CFDP1: variants seen among roughly 807,000 people sequenced by gnomAD.
CFDP1 encodes heterochromatin-stabilizing protein CFDP1.
In CFDP1, 31 loss-of-function variants were observed where a neutral mutation model predicts 40.1. The ratio of observed to expected loss-of-function variants is 0.77; its 90% confidence interval spans 0.58 to 1.04. The LOEUF is 1.04. Ranked by LOEUF, CFDP1 falls within the 50% of genes least tolerant of loss-of-function variation. The pLI is 0.00. For missense variants in CFDP1, 423 were observed against 343.4 expected (o/e 1.23, Z -1.83); for synonymous variants, 167 against 120.0 (o/e 1.39, Z -2.56).
intron 5 of CFDP1, among the ~76,000 whole-genome samples, chr16:75,315,510 A>G (rs1261221437): frequency 6.6e-6 from 1 of 152,046 alleles, no homozygotes; most frequent in Admixed American, 6.6e-5. Context: ...GTTATGTACA[A>G]GAATTCCAGT....
At chr16:75,383,695 T>C (rs970618273) in intron 5 of CFDP1, among the ~76,000 whole-genome samples, 23 of 151,918 alleles carry the variant, frequency 1.5e-4, no homozygotes, top group African/African-American at 5.6e-4. Context: ...GGTGGGCGCC[T>C]TTAGTCCCAG....
rs979019599 is a variant in CFDP1, at chr16:75,412,542, T to G, written c.395A>C (p.Gln132Pro). 8.1e-6 allele frequency: 13 copies of G among 1,613,262 alleles called. No homozygotes were observed. The highest frequency in any genetic ancestry group is 1.1e-5 in the Non-Finnish European group (13 of 1,179,296). Residue 132 changes from glutamine to proline, a missense_variant, in exon 3 of 7, where the codon CAA becomes CCA. Transcript: ENST00000283882. The part of the protein sequence containing the change: ...GPKSKVPPST[Q>P]VKKGEETEET... ...ACTAATGTCTCAACTTACCTTAACTTGTGTACTTGGGGGCACTTTTGATTT... is the reference window on the plus strand; with the variant it reads ...ACTAATGTCTCAACTTACCTTAACTGGTGTACTTGGGGGCACTTTTGATTT...
chr16:75,350,239 T>A (rs1460414694), intron 5 of CFDP1, among the ~76,000 whole-genome samples: 3 of 152,214 alleles, frequency 2.0e-5, no homozygotes, highest in Non-Finnish European at 4.4e-5. Context: ...TATGTTTTCA[T>A]TTTTTGTGGG....
chr16:75,328,023 C>A (rs1463070248), intron 5 of CFDP1, among the ~76,000 whole-genome samples: 3 of 151,546 alleles, frequency 2.0e-5, no homozygotes, highest in African/African-American at 4.9e-5. Flanking sequence ...TGCCACAGCA[C>A]CCGGCAACAC....
intron 5 of CFDP1, among the ~76,000 whole-genome samples, chr16:75,354,281 C>G (rs2078632061): frequency 6.6e-6 from 1 of 152,106 alleles, no homozygotes; most frequent in South Asian, 2.1e-4. Flanking sequence ...GGACATAACC[C>G]CATCATATGT....
chr16:75,394,145 G>A (rs981173212), intron 5 of CFDP1, among the ~76,000 whole-genome samples: 1 of 152,174 alleles, frequency 6.6e-6, no homozygotes, highest in Non-Finnish European at 1.5e-5. Context: ...TCTGACTGAA[G>A]GGCCACAGAA....
At chr16:75,336,942 G>A (rs1026324064) in intron 5 of CFDP1, among the ~76,000 whole-genome samples, 5 of 152,130 alleles carry the variant, frequency 3.3e-5, no homozygotes, top group African/African-American at 7.2e-5. Context: ...TTTAAAAACT[G>A]GACAGTTGCT....
At chr16:75,390,249 G>C (rs921147685) in intron 5 of CFDP1, among the ~76,000 whole-genome samples, 6 of 152,204 alleles carry the variant, frequency 3.9e-5, no homozygotes, top group African/African-American at 1.4e-4. Flanking sequence ...TGCTCTGTGA[G>C]GACAGCCTGA....
chr16:75,304,884 C>T, intron 6 of CFDP1, 140 bp downstream of exon 6: 2 of 912,048 alleles, frequency 2.2e-6, no homozygotes, highest in South Asian at 1.6e-5. Flanking sequence ...CAGAGACTTA[C>T]TGACAAACCA....
intron 4 of CFDP1, among the ~76,000 whole-genome samples, chr16:75,410,921 A>AG (rs1490183106): frequency 6.7e-6 from 1 of 149,542 alleles, no homozygotes; most frequent in Non-Finnish European, 1.5e-5. Context: ...AAAAAAAAAA[A>AG]AAAAAGAAAA....
intron 4 of CFDP1, among the ~76,000 whole-genome samples, chr16:75,405,105 A>G (rs896979448): frequency 1.3e-5 from 2 of 152,174 alleles, no homozygotes; most frequent in African/African-American, 2.4e-5. Flanking sequence ...TCAAGACATG[A>G]GCAGTGGGCC....
chr16:75,308,555 A>C (rs2078273409), intron 5 of CFDP1, among the ~76,000 whole-genome samples: 1 of 152,226 alleles, frequency 6.6e-6, no homozygotes, highest in South Asian at 2.1e-4. Context: ...GTGAGCACTC[A>C]ATTAAGTCAA....
chr16:75,374,950 G>A (rs969183999), intron 5 of CFDP1, among the ~76,000 whole-genome samples: 3 of 151,916 alleles, frequency 2.0e-5, no homozygotes, highest in Non-Finnish European at 2.9e-5. Flanking sequence ...CTGAACAGTG[G>A]AGACCTTACA....
intron 1 of CFDP1, 109 bp downstream of exon 1, chr16:75,433,180 C>CT: frequency 9.4e-7 from 1 of 1,062,562 alleles, no homozygotes; most frequent in Non-Finnish European, 1.4e-6. Context: ...GAACAGGAGC[C>CT]CCCCTGGACC....
At position 75,431,588 on chromosome 16, in the gene CFDP1, G is replaced by A. The variant is rs377736399; in HGVS notation, c.64+1701C>T. ...GGGAAGGCAGAGGCCGCATTAAGCA[G>A]AGACTGTGCCACTGCACTCCAGCCT... On this transcript the variant is annotated intron_variant, in intron 1 of 6. Transcript: ENST00000283882. 1.3e-4 allele frequency among the ~76,000 whole-genome samples: 20 copies of A among 152,148 alleles called. 3 individuals are homozygous for A. Among genetic ancestry groups the A allele is most frequent in the Admixed American group, 6.5e-4 (10 of 15,282 alleles).
At chr16:75,306,656 CA>C (rs1422653238) in intron 5 of CFDP1, 2 of 152,166 alleles carry the variant, frequency 1.3e-5, no homozygotes, top group Non-Finnish European at 2.9e-5. Context: ...ATAGACAATG[CA>C]GATCCGGGAC....
In CFDP1 at chr16:75,396,476, T is replaced by G. The variant is rs1396982396; in HGVS notation, c.531-1267A>C. On this transcript the variant is annotated intron_variant, in intron 4 of 6. Coordinates refer to ENST00000283882, the MANE Select transcript of CFDP1 (RefSeq NM_006324.3). The stretch of plus-strand genomic sequence containing the variant: ...ATTGCCTGAACCCAGGAGGTGGAGG[T>G]TGCAGTGAGCTCAGACCACGCCACT... 1.9e-5 allele frequency among the ~76,000 whole-genome samples: 2 copies of G among 102,618 alleles called. 1 individual carries two copies. The highest frequency in any genetic ancestry group is 5.8e-5 in the African/African-American group (2 of 34,470). 67.3% of individuals were successfully genotyped at this position (102,618 alleles called of 152,430 possible).
intron 5 of CFDP1, among the ~76,000 whole-genome samples, chr16:75,334,245 C>T (rs930091257): frequency 6.6e-6 from 1 of 151,974 alleles, no homozygotes; most frequent in African/African-American, 2.4e-5. Flanking sequence ...AACCCTGCAG[C>T]TAAGCAAACG....
At chr16:75,398,438 G>C (rs1324960085) in intron 4 of CFDP1, among the ~76,000 whole-genome samples, 1 of 152,096 alleles carries the variant, frequency 6.6e-6, no homozygotes, top group Non-Finnish European at 1.5e-5. Context: ...AAGTGAATGG[G>C]CCTTCATGGC....
Sources: gnomAD v4.1 joint callset for allele counts (sites outside exome capture counted in the v4.1 genomes callset) on GRCh38, gnomAD v4.1.1 for gene constraint, MANE v1.5 for transcripts, NCBI Gene and HGNC (gene_info 2026-07-23, HGNC 2026-07-21) for gene names.